TSHZ2: variants seen among roughly 807,000 people sequenced by gnomAD.
TSHZ2 encodes teashirt homolog 2.
Under a neutral mutation model 74.4 loss-of-function variants are expected in TSHZ2, and 21 were observed. That is an observed-to-expected ratio of 0.28 (90% CI 0.20 to 0.41). The LOEUF is 0.41. TSHZ2 is among the 10% of genes least tolerant of loss of function. TSHZ2 has a pLI of 1.00. For synonymous variants in TSHZ2, 540 were observed against 515.3 expected, an observed-to-expected ratio of 1.05 and a Z score of -0.65; for missense variants, 1,244 against 1,293.5, an observed-to-expected ratio of 0.96 and a Z score of 0.59.
intron 2 of TSHZ2, among the ~76,000 whole-genome samples, chr20:53,332,065 G>A (rs1005361127): frequency 1.3e-5 from 2 of 152,160 alleles, no homozygotes; most frequent in African/African-American, 4.8e-5. Flanking sequence ...GAGGCCTCCT[G>A]TGCAGAAGGC....
chr20:53,436,542 ATTATTATTTTT>A (rs1330252649), intron 2 of TSHZ2, among the ~76,000 whole-genome samples: 1 of 98,892 alleles, frequency 1.0e-5, no homozygotes, highest in African/African-American at 4.3e-5. Flanking sequence ...TATTATTATT[ATTATTATTTTT>A]TTTTTTTTTT....
At chr20:53,153,715 A>C (rs1030852260) in intron 1 of TSHZ2, among the ~76,000 whole-genome samples, 2 of 152,150 alleles carry the variant, frequency 1.3e-5, no homozygotes, top group Non-Finnish European at 1.5e-5. Flanking sequence ...AAGAGTGTCC[A>C]GTTTGCCCAA....
chr20:53,417,231 GACACACACAGACACACACACAC>G, intron 2 of TSHZ2, among the ~76,000 whole-genome samples: 1 of 101,326 alleles, frequency 9.9e-6, no homozygotes, highest in African/African-American at 4.2e-5. Flanking sequence ...TACAGACACA[GACACACACAGACACACACACAC>G]ACACACACAC....
intron 2 of TSHZ2, among the ~76,000 whole-genome samples, chr20:53,368,542 C>G (rs1295135510): frequency 6.6e-6 from 1 of 152,116 alleles, no homozygotes. Context: ...AACTCCTGAC[C>G]TCAAGTGATC....
At chr20:53,223,895 C>T (rs936139982) in intron 1 of TSHZ2, among the ~76,000 whole-genome samples, 10 of 89,084 alleles carry the variant, frequency 1.1e-4, no homozygotes, top group Admixed American at 1.5e-4. Flanking sequence ...TGTTACAGGA[C>T]TAAACACACA....
intron 1 of TSHZ2, among the ~76,000 whole-genome samples, chr20:53,000,055 C>A (rs189960673): frequency 6.6e-6 from 1 of 152,172 alleles, no homozygotes; most frequent in Non-Finnish European, 1.5e-5. Flanking sequence ...TCTTCGCAGA[C>A]GTCCAATGAG....
chr20:53,316,045 A>G (rs1979002474), intron 2 of TSHZ2, among the ~76,000 whole-genome samples: 1 of 152,226 alleles, frequency 6.6e-6, no homozygotes, highest in Admixed American at 6.5e-5. Flanking sequence ...AGGAAGTGAT[A>G]AAATCCAGTA....
intron 1 of TSHZ2, among the ~76,000 whole-genome samples, chr20:53,148,853 TAAC>T (rs1310051262): frequency 6.6e-6 from 1 of 152,148 alleles, no homozygotes; most frequent in Non-Finnish European, 1.5e-5. Context: ...AATTTAGGCT[TAAC>T]AAACAAAGCT....
intron 2 of TSHZ2, among the ~76,000 whole-genome samples, chr20:53,447,456 C>T (rs1456528052): frequency 1.3e-5 from 2 of 152,348 alleles, no homozygotes; most frequent in Admixed American, 6.5e-5. Context: ...CCAACTTCCC[C>T]TAATGTCTTG....
At chr20:53,161,335 T>A (rs1362512040) in intron 1 of TSHZ2, among the ~76,000 whole-genome samples, 1 of 151,790 alleles carries the variant, frequency 6.6e-6, no homozygotes, top group Non-Finnish European at 1.5e-5. Flanking sequence ...GGGAGGAGGG[T>A]GAACATGACG....
intron 1 of TSHZ2, among the ~76,000 whole-genome samples, chr20:53,131,976 T>C (rs1241720741): frequency 1.3e-5 from 2 of 150,638 alleles, no homozygotes; most frequent in Non-Finnish European, 3.0e-5. Flanking sequence ...TGAAGGAGAG[T>C]AGAGGGAAAG....
rs569032863 is a variant in TSHZ2, at chr20:53,151,542, A to G, written c.41-101957A>G. ...ATCTTCAGGAAGGAAGGTGAGGAATAGCATCTTGTATGTAAAAATATAAAT... is the reference window on the plus strand; with the variant it reads ...ATCTTCAGGAAGGAAGGTGAGGAATGGCATCTTGTATGTAAAAATATAAAT... On this transcript the variant is annotated intron_variant, in intron 1 of 2. Transcript: ENST00000371497. Among the ~76,000 whole-genome samples the G allele has an allele frequency of 5.9e-5, 9 of 152,356 alleles. No homozygotes were observed. The East Asian group carries it at 1.3e-3, about 23-fold the overall frequency.
chr20:53,233,482 A>C (rs1218684747), intron 1 of TSHZ2, among the ~76,000 whole-genome samples: 1 of 152,228 alleles, frequency 6.6e-6, no homozygotes. Flanking sequence ...AGGCAGAAAA[A>C]GAATTAAAAG....
At chr20:53,232,736 A>G (rs183333981) in intron 1 of TSHZ2, among the ~76,000 whole-genome samples, 1 of 152,298 alleles carries the variant, frequency 6.6e-6, no homozygotes, top group Admixed American at 6.5e-5. Context: ...CCTCTAGAAA[A>G]AAAGAAAATT....
At chr20:53,328,919 G>A (rs1349074201) in intron 2 of TSHZ2, among the ~76,000 whole-genome samples, 2 of 152,150 alleles carry the variant, frequency 1.3e-5, no homozygotes, top group Non-Finnish European at 2.9e-5. Flanking sequence ...ATATCCACCA[G>A]TGGCAGGGTG....
At chr20:53,340,177 C>CTTTTTT (rs74177489) in intron 2 of TSHZ2, among the ~76,000 whole-genome samples, 2,518 of 93,530 alleles carry the variant, frequency 0.027, 380 homozygotes, top group Non-Finnish European at 0.033. Context: ...ACTTTTCTTT[C>CTTTTTT]TTTTTTCTTT....
intron 2 of TSHZ2, among the ~76,000 whole-genome samples, chr20:53,465,587 A>G (rs1029504697): frequency 2.0e-5 from 3 of 152,108 alleles, no homozygotes; most frequent in African/African-American, 4.8e-5. Context: ...CTTTATTACT[A>G]TGAAGCAGCA....
chr20:53,080,774 C>G (rs562889157), intron 1 of TSHZ2, among the ~76,000 whole-genome samples: 1 of 152,112 alleles, frequency 6.6e-6, no homozygotes. Context: ...TGTACCGGCC[C>G]GCGGCCCAGG....
At chr20:53,481,080 C>T (rs1030645405) in intron 2 of TSHZ2, among the ~76,000 whole-genome samples, 1 of 151,968 alleles carries the variant, frequency 6.6e-6, no homozygotes, top group Non-Finnish European at 1.5e-5. Context: ...GCCTCAACTA[C>T]CATTTGAGAG....
Sources: gnomAD v4.1 joint callset for allele counts (sites outside exome capture counted in the v4.1 genomes callset) on GRCh38, gnomAD v4.1.1 for gene constraint, MANE v1.5 for transcripts, NCBI Gene and HGNC (gene_info 2026-07-23, HGNC 2026-07-21) for gene names.